REST: variants seen among roughly 807,000 people sequenced by gnomAD.
REST encodes RE1 silencing transcription factor.
Under a neutral mutation model 30.4 loss-of-function variants are expected in REST, and 1 was observed. The ratio of observed to expected loss-of-function variants is 0.03; its 90% CI spans 0.01 to 0.16. REST has a LOEUF of 0.16. REST is among the 10% of genes least tolerant of loss of function. The pLI, the probability that REST is intolerant of heterozygous loss-of-function variation, is 1.00. For synonymous variants in REST, 504 were observed against 451.1 expected, an observed-to-expected ratio of 1.12 and a Z score of -1.49; for missense variants, 1,259 against 1,329.5, an observed-to-expected ratio of 0.95 and a Z score of 0.82.
chr4:56,930,983 G>C lies in REST; in HGVS notation c.2125G>C (p.Ala709Pro), dbSNP rs771639346. ...AQMGPAPMEP[A>P]QMEVAQVESA... is the part of the protein sequence containing the mutation. ...AATGGGGCCTGCTCCCATGGAACCT[G>C]CTCAGATGGAGGTTGCCCAGGTAGA... The change falls in exon 4 of 4, where the codon GCT (alanine) becomes CCT (proline). Residue 709 changes from alanine (A) to proline (P), a missense_variant. By Grantham distance (27) the Ala-to-Pro change is conservative (BLOSUM62 -1). Transcript: ENST00000309042. 10 of 1,614,122 alleles carry C rather than the reference G, an allele frequency of 6.2e-6. No homozygotes were observed. The Admixed American group carries it at 1.7e-4, about 27-fold the overall frequency.
chr4:56,931,743 T>C lies in REST; in HGVS notation c.2885T>C (p.Ile962Thr). 1 of 1,614,210 alleles carries C rather than the reference T, an allele frequency of 6.2e-7. No individual in the cohort carries two copies. The highest frequency in any genetic ancestry group is 1.1e-5 in the South Asian group (1 of 91,090). Residue 962 changes from isoleucine to threonine, a missense_variant, in exon 4 of 4, where the codon ATA (isoleucine) becomes ACA (threonine). By Grantham distance (89) the Ile-to-Thr change is moderately conservative. Coordinates refer to ENST00000309042, the MANE Select transcript of REST (RefSeq NM_005612.5). ...AACACAAGAGAGAATCTCACTGGTA[T>C]AAATTCAACAGTTGAAGAACCAGTT... Reference protein sequence around the residue: ...DQNTRENLTGINSTVEEPVSP... With the variant: ...DQNTRENLTGTNSTVEEPVSP...
Position 56,930,207 on chromosome 4 carries a change from A to C in REST, c.1349A>C (p.Gln450Pro). 1 of 1,606,800 alleles carries C rather than the reference A, an allele frequency of 6.2e-7. No homozygotes were observed. Among genetic ancestry groups the C allele is most frequent in the Non-Finnish European group, 8.5e-7 (1 of 1,178,460 alleles). The change falls in exon 4 of 4, where the codon CAA (glutamine) becomes CCA (proline). Residue 450 changes from glutamine to proline, a missense_variant. Around this residue, in one of 5 missense-constraint regions of REST, gnomAD observed 856 missense variants for 772.8 expected, o/e 1.11. Coordinates refer to ENST00000309042, the MANE Select transcript of REST (RefSeq NM_005612.5). The part of the protein sequence containing the change: ...NITNEKTEIE[Q>P]TKIKGDVAGK... ...ACCAATGAAAAAACAGAAATAGAAC[A>C]AACAAAAATAAAAGGGGATGTGGCT...
Position 56,907,990 on chromosome 4 carries a change from C to G in REST, c.-233C>G, listed in dbSNP as rs1719697858. 5.4e-6 allele frequency: 2 copies of G among 368,574 alleles called. No homozygotes were observed. Among genetic ancestry groups the G allele is most frequent in the South Asian group, 2.6e-4 (2 of 7,566 alleles). 22.8% of individuals were successfully genotyped at this position (368,574 alleles called of 1,614,324 possible). ...CGAGCGCCGCCGAGGCCCGGGGCCCCAGACCCTGGCGGCGGCTGCCGCAGC... is the reference window on the plus strand; with the variant it reads ...CGAGCGCCGCCGAGGCCCGGGGCCCGAGACCCTGGCGGCGGCTGCCGCAGC... On this transcript the variant is annotated 5_prime_UTR_variant, in exon 1 of 4. Coordinates refer to ENST00000309042, the MANE Select transcript of REST (RefSeq NM_005612.5).
Position 56,931,633 on chromosome 4 carries a change from C to G in REST, c.2775C>G (p.Asn925Lys). Residue 925 changes from asparagine (N) to lysine (K), a missense_variant, in exon 4 of 4, where the codon AAC (asparagine) becomes AAG (lysine). By Grantham distance (94) the Asn-to-Lys change is moderately conservative. Coordinates refer to ENST00000309042, the MANE Select transcript of REST (RefSeq NM_005612.5). ...CCCATATTTCATCCTCTGGACAAAA[C>G]TTGAATACGCCAGAGGGTGAAACTT... ...ESTHISSSGQ[N>K]LNTPEGETLN... 3.1e-6 allele frequency: 5 copies of G among 1,614,232 alleles called. No homozygotes were observed. The highest frequency in any genetic ancestry group is 3.4e-6 in the Non-Finnish European group (4 of 1,180,048).
Position 56,929,834 on chromosome 4 carries a change from C to T in REST, c.983-7C>T, listed in dbSNP as rs1219242695. 1 of 1,581,390 alleles carries T rather than the reference C, an allele frequency of 6.3e-7. No homozygotes were observed. Among genetic ancestry groups the T allele is most frequent in the Non-Finnish European group, 8.6e-7 (1 of 1,165,196 alleles). ...TGTCTTCTCTCATACTTTTGATTTG[C>T]CTTCAGGTGAGAAGCCATTTAAATG... On this transcript the variant is annotated splice_region_variant and splice_polypyrimidine_tract_variant and intron_variant, in intron 3 of 3. Coordinates refer to ENST00000309042, the MANE Select transcript of REST (RefSeq NM_005612.5).
At chr4:56,925,474 A>G (rs1396810874) in intron 3 of REST, among the ~76,000 whole-genome samples, 1 of 152,112 alleles carries the variant, frequency 6.6e-6, no homozygotes, top group Non-Finnish European at 1.5e-5. Flanking sequence ...CATCCTCCCA[A>G]AAGTGCTAGG....
intron 2 of REST, among the ~76,000 whole-genome samples, chr4:56,913,674 G>A (rs1427420278): frequency 2.0e-5 from 3 of 151,982 alleles, no homozygotes; most frequent in African/African-American, 7.3e-5. Flanking sequence ...TTGGAGATAG[G>A]ATCTCCCTCT....
chr4:56,918,341 A>AT (rs1319135393), intron 2 of REST, among the ~76,000 whole-genome samples: 2 of 151,816 alleles, frequency 1.3e-5, no homozygotes, highest in East Asian at 3.9e-4. Context: ...AAAAAAAAAA[A>AT]AAATTAGCTG....
At chr4:56,908,454 C>G (rs952246555) in intron 1 of REST, among the ~76,000 whole-genome samples, 2 of 151,952 alleles carry the variant, frequency 1.3e-5, no homozygotes, top group African/African-American at 4.8e-5. Flanking sequence ...AGCGCGTCGC[C>G]TGGACCCCCT....
At chr4:56,917,298 T>G (rs1383437150) in intron 2 of REST, among the ~76,000 whole-genome samples, 1 of 152,188 alleles carries the variant, frequency 6.6e-6, no homozygotes, top group African/African-American at 2.4e-5. Context: ...GGAACACATT[T>G]CCCATCTATC....
intron 3 of REST, among the ~76,000 whole-genome samples, chr4:56,923,226 GT>G (rs1720532369): frequency 1.3e-5 from 2 of 152,198 alleles, no homozygotes; most frequent in Non-Finnish European, 2.9e-5. Flanking sequence ...AAGATACTGA[GT>G]TTCAGATTAC....
At chr4:56,918,927 T>A (rs1720322995) in intron 2 of REST, among the ~76,000 whole-genome samples, 1 of 151,160 alleles carries the variant, frequency 6.6e-6, no homozygotes, top group Non-Finnish European at 1.5e-5. Context: ...TGTCTTGGCC[T>A]CCCAAAGTGT....
intron 3 of REST, among the ~76,000 whole-genome samples, chr4:56,924,029 A>G (rs749636887): frequency 6.6e-5 from 10 of 151,710 alleles, no homozygotes; most frequent in Admixed American, 4.6e-4. Flanking sequence ...CCAATATCCT[A>G]TTTCTTTCTA....
At chr4:56,921,304 G>C (rs1720440114) in intron 3 of REST, among the ~76,000 whole-genome samples, 1 of 152,184 alleles carries the variant, frequency 6.6e-6, no homozygotes, top group South Asian at 2.1e-4. Flanking sequence ...CTATTCGCTT[G>C]AGTAGCCACT....
In REST at chr4:56,911,056, C is replaced by A. The variant is rs1417692214; in HGVS notation, c.418C>A (p.Leu140Ile). 1 of 1,613,998 alleles carries A rather than the reference C, an allele frequency of 6.2e-7. No individual in the cohort carries two copies. Among genetic ancestry groups the A allele is most frequent in the Admixed American group, 1.7e-5 (1 of 59,970 alleles). The stretch of plus-strand genomic sequence containing the variant: ...AGATATTTACAGTTCAAATAAAGAT[C>A]TTCCCCCTGAAACACCTGGAGCGGA... ...APDIYSSNKD[L>I]PPETPGAEDK... The change falls in exon 2 of 4, where the codon CTT becomes ATT. Residue 140 changes from leucine to isoleucine, a missense_variant. Physicochemically the swap from Leu to Ile is conservative, Grantham distance 5. Coordinates refer to ENST00000309042, the MANE Select transcript of REST (RefSeq NM_005612.5).
At position 56,934,103 on chromosome 4, in the gene REST, A is replaced by G. The variant is rs898231897; in HGVS notation, c.*1951A>G. 1.3e-5 allele frequency: 2 copies of G among 152,226 alleles called. No individual in the cohort carries two copies. Among genetic ancestry groups the G allele is most frequent in the African/African-American group, 2.4e-5 (1 of 41,468 alleles). The allele number at this position is 152,226 out of a possible 1,614,324, so 9.4% of individuals were successfully genotyped here. A position where few individuals can be genotyped will look rare whatever the true frequency, so the allele number is the denominator to read the frequency against. On this transcript the variant is annotated 3_prime_UTR_variant, in exon 4 of 4. Transcript: ENST00000309042. The stretch of plus-strand genomic sequence containing the variant: ...AATGGTATGTGTTTTGTGTGCATGA[A>G]TGGACATTGTAAATGTTGAATTCTA...
At chr4:56,929,755 G>A (rs1720879810) in intron 3 of REST, 86 bp from the exon 4 acceptor site, 1 of 1,202,304 alleles carries the variant, frequency 8.3e-7, no homozygotes, top group Non-Finnish European at 1.2e-6. Flanking sequence ...AGTCTTTGTT[G>A]TTACTTTACA....
intron 3 of REST, among the ~76,000 whole-genome samples, chr4:56,921,698 C>T (rs1720459936): frequency 6.6e-6 from 1 of 152,210 alleles, no homozygotes; most frequent in Non-Finnish European, 1.5e-5. Flanking sequence ...GTGTGAGCCA[C>T]CGCGCCCGGC....
At position 56,931,450 on chromosome 4, in the gene REST, A is replaced by G. The variant is rs760224910; in HGVS notation, c.2592A>G (p.Ser864=). The change falls in exon 4 of 4, where the codon TCA becomes TCG. Residue 864 remains serine, a synonymous_variant. Transcript: ENST00000309042. The part of the protein sequence containing the change: ...SVSTEDLSPP[S]PPLPKENLRE... ...GCACAGAGGATCTCTCACCACCATC[A>G]CCACCACTGCCAAAGGAAAATTTAA... The G allele has an allele frequency of 2.5e-6, 4 of 1,614,212 alleles. No individual in the cohort carries two copies. The East Asian group carries it at 8.9e-5, about 36-fold the overall frequency.
Sources: gnomAD v4.1 joint callset for allele counts (sites outside exome capture counted in the v4.1 genomes callset) on GRCh38, gnomAD v4.1.1 for gene constraint, gnomAD v4.1.1 regional missense constraint, MANE v1.5 for transcripts, NCBI Gene and HGNC (gene_info 2026-07-23, HGNC 2026-07-21) for gene names.